The following IQGAP2 variants were observed in gnomAD, a reference collection of about 807,000 sequenced individuals.
IQGAP2 encodes ras GTPase-activating-like protein IQGAP2.
In IQGAP2, 173 loss-of-function variants were observed where a neutral mutation model predicts 201.3. That is an observed-to-expected ratio of 0.86 (90% CI 0.76 to 0.98). The LOEUF (loss-of-function observed/expected upper bound fraction) is 0.98, where lower values mean the gene tolerates loss of function less well. Among genes scored for constraint, IQGAP2 ranks in the 50% least tolerant of loss-of-function variants. The pLI, the probability that IQGAP2 is intolerant of heterozygous loss-of-function variation, is 0.00. For synonymous variants in IQGAP2, 675 were observed against 673.9 expected (o/e 1.00, Z -0.03); for missense variants, 1,687 against 1,864.8 (o/e 0.90, Z 1.76).
chr5:76,461,029 C>T (rs1754419373), intron 1 of IQGAP2, among the ~76,000 whole-genome samples: 1 of 151,766 alleles, frequency 6.6e-6, no homozygotes, highest in Admixed American at 6.6e-5. Context: ...CAGGTGCCCC[C>T]CACCACACCT....
chr5:76,665,424 A>G (rs1743668619), intron 22 of IQGAP2, among the ~76,000 whole-genome samples: 1 of 152,226 alleles, frequency 6.6e-6, no homozygotes, highest in African/African-American at 2.4e-5. Context: ...ACTGAGACAC[A>G]GCCAGTAAAT....
At chr5:76,409,892 G>A (rs1367686316) in intron 1 of IQGAP2, among the ~76,000 whole-genome samples, 1 of 152,220 alleles carries the variant, frequency 6.6e-6, no homozygotes, top group Non-Finnish European at 1.5e-5. Flanking sequence ...TTGAATAGAT[G>A]TGGGTTTGAA....
intron 9 of IQGAP2, among the ~76,000 whole-genome samples, chr5:76,596,328 T>C (rs1747032200): frequency 1.3e-5 from 2 of 152,234 alleles, no homozygotes; most frequent in Non-Finnish European, 2.9e-5. Flanking sequence ...AACTCTGCAA[T>C]CTCTGTCTGA....
intron 1 of IQGAP2, among the ~76,000 whole-genome samples, chr5:76,458,243 A>G (rs146691575): frequency 7.9e-4 from 121 of 152,308 alleles, no homozygotes; most frequent in African/African-American, 2.5e-3. Context: ...GATAATGCCT[A>G]TCTCTGAGGG....
rs546011638 is a variant in IQGAP2 at position 76,547,438 on chromosome 5, T to C, written c.147-14958T>C. On this transcript the variant is annotated intron_variant, in intron 2 of 35. Coordinates refer to ENST00000274364, the MANE Select transcript of IQGAP2 (RefSeq NM_006633.5). Reference sequence around the variant, plus strand: ...GAGGGAAGTCAAGTGTAGGAAGGAGTTGTGGCAATTTAAGTAAGTTTACAA... The same window carrying C: ...GAGGGAAGTCAAGTGTAGGAAGGAGCTGTGGCAATTTAAGTAAGTTTACAA... The C allele has an allele frequency of 3.1e-6, 3 of 981,196 alleles. No individual in the cohort carries two copies. The East Asian group carries it at 3.4e-4, about 112-fold the overall frequency. 60.8% of individuals were successfully genotyped at this position (981,196 alleles called of 1,614,324 possible). A position where few individuals can be genotyped will look rare whatever the true frequency, so the allele number is the denominator to read the frequency against.
At chr5:76,441,526 G>A in intron 1 of IQGAP2, 1 of 985,136 alleles carries the variant, frequency 1.0e-6, no homozygotes, top group Non-Finnish European at 1.2e-6. Flanking sequence ...GGTAAGAGAA[G>A]GTACAACTGT....
At chr5:76,644,780 TA>T (rs1328646717) in intron 17 of IQGAP2, among the ~76,000 whole-genome samples, 5 of 152,222 alleles carry the variant, frequency 3.3e-5, no homozygotes, top group Non-Finnish European at 5.9e-5. Flanking sequence ...ACTTACAGAC[TA>T]AAAAAAGAAA....
Position 76,702,488 on chromosome 5 carries a change from G to C in IQGAP2, c.4512G>C (p.Lys1504Asn), listed in dbSNP as rs1747490524. ...AATGTTCCTTTCTTCACAGGTTTAAGAATGTTACATTTGATATCATAGCTA... is the reference window on the plus strand; with the variant it reads ...AATGTTCCTTTCTTCACAGGTTTAACAATGTTACATTTGATATCATAGCTA... ...DIDDLQTNQF[K>N]NVTFDIIATE... Residue 1504 changes from lysine (K) to asparagine (N), a missense_variant, in exon 35 of 36, where the codon AAG (lysine) becomes AAC (asparagine). By Grantham distance (94) the Lys-to-Asn change is moderately conservative. Transcript: ENST00000274364. The C allele has an allele frequency of 6.7e-7, 1 of 1,487,080 alleles. No individual in the cohort carries two copies. Among genetic ancestry groups the C allele is most frequent in the Non-Finnish European group, 9.4e-7 (1 of 1,064,932 alleles). 92.1% of individuals were successfully genotyped at this position (1,487,080 alleles called of 1,614,324 possible). A position where few individuals can be genotyped will look rare whatever the true frequency, so the allele number is the denominator to read the frequency against.
At chr5:76,687,960 G>A (rs1045652758) in intron 30 of IQGAP2, among the ~76,000 whole-genome samples, 9 of 152,140 alleles carry the variant, frequency 5.9e-5, no homozygotes, top group African/African-American at 2.2e-4. Flanking sequence ...TGGAAAAATT[G>A]TCTTCCACAA....
intron 30 of IQGAP2, among the ~76,000 whole-genome samples, chr5:76,686,773 T>C (rs550667326): frequency 6.6e-6 from 1 of 152,314 alleles, no homozygotes; most frequent in East Asian, 1.9e-4. Context: ...CCTCCCAAAG[T>C]GCTGGGATTA....
intron 2 of IQGAP2, among the ~76,000 whole-genome samples, chr5:76,561,113 C>A (rs897261849): frequency 6.6e-6 from 1 of 152,202 alleles, no homozygotes; most frequent in Non-Finnish European, 1.5e-5. Context: ...GATTTCATCA[C>A]ACTACTCAGA....
chr5:76,613,982 C>T (rs1463329091), intron 13 of IQGAP2, among the ~76,000 whole-genome samples: 1 of 152,126 alleles, frequency 6.6e-6, no homozygotes, highest in African/African-American at 2.4e-5. Flanking sequence ...CATGAGCCAC[C>T]GCACCCGGCT....
chr5:76,533,542 T>C (rs58791070), intron 2 of IQGAP2, among the ~76,000 whole-genome samples: 74,044 of 150,982 alleles, frequency 0.49, 18,428 homozygotes, highest in South Asian at 0.74. Context: ...ATATATATAT[T>C]TTTTTATTTT....
chr5:76,424,688 A>G (rs10070688), intron 1 of IQGAP2, among the ~76,000 whole-genome samples: 60,275 of 151,954 alleles, frequency 0.4, 13,421 homozygotes, highest in East Asian at 0.52. Context: ...GAGTGGTTGG[A>G]CTCCTCTCTG....
chr5:76,483,448 T>C (rs886549456), intron 2 of IQGAP2, among the ~76,000 whole-genome samples: 1 of 152,196 alleles, frequency 6.6e-6, no homozygotes, highest in Non-Finnish European at 1.5e-5. Flanking sequence ...AGCTTTTAAA[T>C]ATAATTCGTA....
intron 2 of IQGAP2, among the ~76,000 whole-genome samples, chr5:76,560,707 C>T (rs533647504): frequency 6.6e-6 from 1 of 152,200 alleles, no homozygotes. Context: ...TCATATGGTT[C>T]TCTGGCTTTT....
rs1750617447 is a variant in IQGAP2 at position 76,403,443 on chromosome 5, A to G, written c.-103A>G. On this transcript the variant is annotated 5_prime_UTR_variant, in exon 1 of 36. Coordinates refer to ENST00000274364, the MANE Select transcript of IQGAP2 (RefSeq NM_006633.5). This position sits in a 1 kb window ranked among gnomAD's most constrained non-coding sequence, Gnocchi z 4.8. ...CGGGCGGCTAGGGGAAATCGGCGAG[A>G]GGCGGGATCCGAGCGCGCCGGCGGG... The G allele has an allele frequency of 1.2e-6, 1 of 846,298 alleles. No homozygotes were observed. Among genetic ancestry groups the G allele is most frequent in the Non-Finnish European group, 1.6e-6 (1 of 618,440 alleles). 52.4% of individuals were successfully genotyped at this position (846,298 alleles called of 1,614,324 possible).
chr5:76,630,629 G>A (rs1750620254), intron 14 of IQGAP2, among the ~76,000 whole-genome samples: 1 of 152,120 alleles, frequency 6.6e-6, no homozygotes. Context: ...AGATGACACT[G>A]TCACATGTAG....
chr5:76,690,369 C>A (rs886659554), intron 30 of IQGAP2, among the ~76,000 whole-genome samples: 1 of 152,158 alleles, frequency 6.6e-6, no homozygotes, highest in Non-Finnish European at 1.5e-5. Context: ...ATAGGTTTTT[C>A]AGGAGCTGCT....
Sources: gnomAD v4.1 joint callset for allele counts (sites outside exome capture counted in the v4.1 genomes callset) on GRCh38, gnomAD v4.1.1 for gene constraint, Gnocchi (gnomAD v3.1) non-coding constraint, MANE v1.5 for transcripts, NCBI Gene and HGNC (gene_info 2026-07-23, HGNC 2026-07-21) for gene names.